SPATA1: variants seen among roughly 807,000 people sequenced by gnomAD.
The protein encoded by SPATA1 is spermatogenesis-associated protein 1.
In SPATA1, 57 loss-of-function variants were observed where a neutral mutation model predicts 59.6. The ratio of observed to expected loss-of-function variants is 0.96; its 90% CI spans 0.77 to 1.19. The LOEUF is 1.19. Ranked by LOEUF, SPATA1 falls within the 50% of genes most tolerant of loss-of-function variation. The pLI, the probability that SPATA1 is intolerant of heterozygous loss-of-function variation, is 0.00. For missense variants in SPATA1, 448 were observed against 480.7 expected (o/e 0.93, Z 0.64); for synonymous variants, 147 against 163.9 (o/e 0.90, Z 0.79).
chr1:84,540,505 T>C (rs1213408456), intron 8 of SPATA1, among the ~76,000 whole-genome samples: 1 of 152,212 alleles, frequency 6.6e-6, no homozygotes, highest in Non-Finnish European at 1.5e-5. Flanking sequence ...ACTTTCACTT[T>C]TTTCCCTCCC....
intron 12 of SPATA1, chr1:84,550,817 T>G: frequency 9.9e-7 from 1 of 1,008,502 alleles, no homozygotes; most frequent in Non-Finnish European, 1.2e-6. Context: ...CAAAAAAAAT[T>G]TTAAGTAGTT....
chr1:84,545,818 A>G, intron 10 of SPATA1, 59 bp downstream of exon 10: 1 of 1,192,138 alleles, frequency 8.4e-7, no homozygotes, highest in African/African-American at 1.6e-5. Context: ...TACAGAATTG[A>G]TCCTTTTAGA....
chr1:84,507,893 A>G (rs983708895), intron 1 of SPATA1, among the ~76,000 whole-genome samples: 5 of 152,100 alleles, frequency 3.3e-5, no homozygotes, highest in Non-Finnish European at 5.9e-5. Flanking sequence ...TAACTGCTGC[A>G]TTGGGAAACC....
At chr1:84,543,521 T>A (rs1203340758) in intron 8 of SPATA1, among the ~76,000 whole-genome samples, 2 of 151,362 alleles carry the variant, frequency 1.3e-5, no homozygotes, top group African/African-American at 4.9e-5. Flanking sequence ...GAGGAAGGAG[T>A]GGGGGAGATG....
chr1:84,531,233 GCTCACTGCAGTGTCTGCCTC>G (rs1258098171), intron 6 of SPATA1, among the ~76,000 whole-genome samples: 1 of 152,012 alleles, frequency 6.6e-6, no homozygotes, highest in East Asian at 1.9e-4. Flanking sequence ...CACAATCTCG[GCTCACTGCAGTGTCTGCCTC>G]CTGGATTCAA....
downstream of SPATA1, among the ~76,000 whole-genome samples, chr1:84,556,655 T>C (rs1194352554): frequency 7.6e-6 from 1 of 131,472 alleles, no homozygotes; most frequent in Non-Finnish European, 1.5e-5. Context: ...GAGGTTGCAG[T>C]AAGCTGAGAT....
intron 1 of SPATA1, among the ~76,000 whole-genome samples, chr1:84,509,006 G>T (rs1682411909): frequency 6.6e-6 from 1 of 152,096 alleles, no homozygotes; most frequent in South Asian, 2.1e-4. Flanking sequence ...GCAATCTACA[G>T]ATTCAGTGCA....
intron 1 of SPATA1, among the ~76,000 whole-genome samples, chr1:84,508,265 A>G (rs529746315): frequency 6.6e-6 from 1 of 151,562 alleles, no homozygotes; most frequent in South Asian, 2.1e-4. Flanking sequence ...GCCTGGCGAC[A>G]GAGTGAGACT....
chr1:84,525,928 G>A, exon 6 of SPATA1: 1 of 1,613,704 alleles, frequency 6.2e-7, no homozygotes, highest in South Asian at 1.1e-5. Flanking sequence ...TTTTAGATGA[G>A]CGGCAGACTA....
At chr1:84,538,148 A>T (rs1015822088) in intron 8 of SPATA1, among the ~76,000 whole-genome samples, 1 of 152,202 alleles carries the variant, frequency 6.6e-6, no homozygotes, top group Admixed American at 6.5e-5. Flanking sequence ...TGGTCTGTGG[A>T]GAAGATTAAT....
downstream of SPATA1, chr1:84,555,261 A>G: frequency 7.6e-7 from 1 of 1,313,210 alleles, no homozygotes; most frequent in Non-Finnish European, 1.0e-6. Context: ...ACCACAGGAA[A>G]GGGAAAAATA....
chr1:84,558,227 T>C (rs1684505510), downstream of SPATA1, among the ~76,000 whole-genome samples: 6 of 152,278 alleles, frequency 3.9e-5, no homozygotes, highest in South Asian at 1.2e-3. Flanking sequence ...CATTTCACAA[T>C]GTATAGATAT....
chr1:84,560,877 G>GA (rs903428246), intron 4 of SPATA1, among the ~76,000 whole-genome samples: 1 of 151,654 alleles, frequency 6.6e-6, no homozygotes, highest in Non-Finnish European at 1.5e-5. Context: ...GATGTACTAA[G>GA]AAAAAAAAGA....
intron 1 of SPATA1, among the ~76,000 whole-genome samples, chr1:84,510,692 C>T (rs932916789): frequency 4.6e-5 from 7 of 152,138 alleles, no homozygotes; most frequent in African/African-American, 1.7e-4. Context: ...ACCAGTATAT[C>T]GAGGTATCAG....
At chr1:84,509,425 G>T (rs1326100432) in intron 1 of SPATA1, among the ~76,000 whole-genome samples, 1 of 152,202 alleles carries the variant, frequency 6.6e-6, no homozygotes, top group Non-Finnish European at 1.5e-5. Flanking sequence ...ATCAAAATGG[G>T]TTAAAGACTT....
chr1:84,511,444 A>G (rs1163723292), intron 1 of SPATA1, among the ~76,000 whole-genome samples: 9 of 152,076 alleles, frequency 5.9e-5, no homozygotes, highest in Non-Finnish European at 4.4e-5. Context: ...CAAGTATGCC[A>G]TTTTGTCAAC....
Position 84,526,046 on chromosome 1 carries a change from G to T in SPATA1, c.517G>T (p.Glu173Ter). 1.2e-6 allele frequency: 2 copies of T among 1,611,610 alleles called. No homozygotes were observed. Among genetic ancestry groups the T allele is most frequent in the South Asian group, 2.2e-5 (2 of 90,572 alleles). Residue 173 changes from glutamate (E) to a stop codon, truncating the protein, a stop_gained, in exon 6 of 13, where the codon GAG (glutamate) becomes TAG (stop). Transcript: ENST00000490879. LOFTEE classifies it high-confidence loss of function. ...CAGTTTGTTAGAAAACACTTTGAAA[G>T]AGCTTCCTAACAAGAATCAGGAAGA...
At chr1:84,534,736 C>T (rs902904882) in intron 8 of SPATA1, among the ~76,000 whole-genome samples, 2 of 152,060 alleles carry the variant, frequency 1.3e-5, no homozygotes, top group African/African-American at 4.8e-5. Context: ...TGTGGAGGTA[C>T]TATTATCTCT....
chr1:84,531,304 A>G (rs1683454240), intron 6 of SPATA1, among the ~76,000 whole-genome samples: 1 of 151,998 alleles, frequency 6.6e-6, no homozygotes, highest in African/African-American at 2.4e-5. Context: ...CTGGGATTAC[A>G]GGCACGTGCC....
Sources: allele counts gnomAD v4.1 joint callset (sites outside exome capture counted in the v4.1 genomes callset), GRCh38; gene constraint gnomAD v4.1.1; transcripts MANE v1.5; gene names NCBI Gene and HGNC (gene_info 2026-07-23, HGNC 2026-07-21).